Variants in PRMT1 observed in about 807,000 individuals in gnomAD.
PRMT1 encodes protein arginine N-methyltransferase 1.
Under a neutral mutation model 47.4 loss-of-function variants are expected in PRMT1, and 5 were observed. That is an observed-to-expected ratio of 0.11 (90% CI 0.06 to 0.22). The LOEUF (loss-of-function observed/expected upper bound fraction) is 0.22. Among genes scored for constraint, PRMT1 ranks in the 10% least tolerant of loss-of-function variants. PRMT1 has a pLI of 1.00. For synonymous variants in PRMT1, 227 were observed against 204.6 expected, an observed-to-expected ratio of 1.11 and a Z score of -0.94; for missense variants, 249 against 518.4, an observed-to-expected ratio of 0.48 and a Z score of 5.05.
chr19:49,680,090 C>T lies in PRMT1; in HGVS notation c.90+165C>T. The T allele has an allele frequency of 9.2e-7, 1 of 1,088,842 alleles. No individual in the cohort carries two copies. The highest frequency in any genetic ancestry group is 1.4e-6 in the Non-Finnish European group (1 of 731,794). The allele number at this position is 1,088,842 out of a possible 1,614,324, so 67.4% of individuals were successfully genotyped here. Reference sequence around the variant, plus strand: ...AGCAACCCCTCCAGGTTCACAGCCCCCGCTGGCCTCCCCCAGTATCGCCGC... The same window carrying T: ...AGCAACCCCTCCAGGTTCACAGCCCTCGCTGGCCTCCCCCAGTATCGCCGC... On this transcript the variant is annotated intron_variant, in intron 2 of 10. Coordinates refer to ENST00000454376, the MANE Select transcript of PRMT1 (RefSeq NM_001536.6). The surrounding 1 kb of genome is among the most constrained non-coding windows in gnomAD (Gnocchi z 4.2).
rs554855480 is a variant in PRMT1 at position 49,684,680 on chromosome 19, C to T, written c.556-74C>T. 2 of 1,474,626 alleles carry T rather than the reference C, an allele frequency of 1.4e-6. No individual in the cohort carries two copies. Among genetic ancestry groups the T allele is most frequent in the South Asian group, 2.4e-5 (2 of 82,416 alleles). 91.3% of individuals were successfully genotyped at this position (1,474,626 alleles called of 1,614,324 possible). A position where few individuals can be genotyped will look rare whatever the true frequency, so the allele number is the denominator to read the frequency against. On this transcript the variant is annotated intron_variant, in intron 6 of 10. Transcript: ENST00000454376. This position sits in a 1 kb window ranked among gnomAD's most constrained non-coding sequence, Gnocchi z 6.2. Reference sequence around the variant, plus strand: ...GGGTGGCCCAGACCAGGGCAGGAGGCCACATCTTGGAGGCAAGACTCAGGG... The same window carrying T: ...GGGTGGCCCAGACCAGGGCAGGAGGTCACATCTTGGAGGCAAGACTCAGGG...
intron 5 of PRMT1, among the ~76,000 whole-genome samples, chr19:49,683,417 A>G (rs967553966): frequency 6.6e-6 from 1 of 151,906 alleles, no homozygotes; most frequent in Non-Finnish European, 1.5e-5. Context: ...GGCCGGGCAC[A>G]GTGGCTCACG....
At chr19:49,678,716 G>A (rs553123522) in intron 1 of PRMT1, among the ~76,000 whole-genome samples, 1 of 152,146 alleles carries the variant, frequency 6.6e-6, no homozygotes, top group Admixed American at 6.5e-5. Flanking sequence ...GCTCCCAGGG[G>A]TCACTGTAAT....
Position 49,686,008 on chromosome 19 carries a change from A to G in PRMT1, c.760-85A>G, listed in dbSNP as rs1394001932. 2.6e-6 allele frequency: 4 copies of G among 1,540,086 alleles called. No homozygotes were observed. The African/African-American group carries it at 5.5e-5, about 21-fold the overall frequency. ...AGCAGGAAGGGGACAGCGAGGTCAC[A>G]GGCCCTCTGGGAGCTTAAGGGAGGG... On this transcript the variant is annotated intron_variant, in intron 8 of 10. Transcript: ENST00000454376.
At chr19:49,683,765 C>T in intron 5 of PRMT1, 162 bp from the exon 6 acceptor site, 1 of 745,212 alleles carries the variant, frequency 1.3e-6, no homozygotes. Flanking sequence ...TCAAAAATGT[C>T]CAGAACGATG....
chr19:49,685,189 A>G lies in PRMT1; in HGVS notation c.759+152A>G, dbSNP rs1331591860. 2 of 1,541,430 alleles carry G rather than the reference A, an allele frequency of 1.3e-6. No individual in the cohort carries two copies. The highest frequency in any genetic ancestry group is 1.7e-6 in the Non-Finnish European group (2 of 1,146,732). On this transcript the variant is annotated intron_variant, in intron 8 of 10. Transcript: ENST00000454376. This position sits in a 1 kb window ranked among gnomAD's most constrained non-coding sequence, Gnocchi z 4.7. ...AGAGGTGGTGCTAGAGGCCCAGGAA[A>G]GACACTTCGTCCTTTAAATATCTTT...
At chr19:49,678,488 C>T (rs1490016922) in intron 1 of PRMT1, among the ~76,000 whole-genome samples, 1 of 152,164 alleles carries the variant, frequency 6.6e-6, no homozygotes, top group African/African-American at 2.4e-5. Flanking sequence ...GAAACCCCCT[C>T]AGCACCTTTC....
intron 5 of PRMT1, among the ~76,000 whole-genome samples, chr19:49,682,998 G>A (rs2082143205): frequency 6.6e-6 from 1 of 151,774 alleles, no homozygotes; most frequent in African/African-American, 2.4e-5. Context: ...GTGTTAGCCA[G>A]GATGGTCTCG....
In PRMT1 at chr19:49,682,006, T is replaced by G; in HGVS notation, c.289T>G (p.Ser97Ala). 3 of 1,614,134 alleles carry G rather than the reference T, an allele frequency of 1.9e-6. No individual in the cohort carries two copies. The highest frequency in any genetic ancestry group is 2.5e-6 in the Non-Finnish European group (3 of 1,180,028). The stretch of plus-strand genomic sequence containing the variant: ...GGACAAGGTGGTGCTGGACGTCGGC[T>G]CGGGCACCGGCATCCTCTGCATGTT... ...FKDKVVLDVG[S>A]GTGILCMFAA... The change falls in exon 4 of 11, where the codon TCG becomes GCG. Residue 97 changes from serine to alanine, a missense_variant. Ser to Ala is a moderately conservative substitution (Grantham distance 99). Transcript: ENST00000454376.
chr19:49,686,561 G>C (rs3745468), intron 9 of PRMT1, 44 bp from the exon 10 acceptor site: 117,934 of 1,582,322 alleles, frequency 0.075, 6,307 homozygotes, highest in African/African-American at 0.24. Flanking sequence ...GTGGGGTTGG[G>C]GGGGGCAGCA....
upstream of PRMT1, chr19:49,677,176 G>A (rs2082046304): frequency 8.8e-7 from 1 of 1,130,262 alleles, no homozygotes; most frequent in African/African-American, 1.6e-5. Flanking sequence ...CTTCCAGCGG[G>A]GTCGCGGTAG....
In PRMT1 at chr19:49,684,387, T is replaced by G. The variant is rs928900383; in HGVS notation, c.555+318T>G. Among the ~76,000 whole-genome samples, 1 of 152,052 alleles carries G rather than the reference T, an allele frequency of 6.6e-6. No homozygotes were observed. Among genetic ancestry groups the G allele is most frequent in the Non-Finnish European group, 1.5e-5 (1 of 67,972 alleles). On this transcript the variant is annotated intron_variant, in intron 6 of 10. Transcript: ENST00000454376. This position sits in a 1 kb window ranked among gnomAD's most constrained non-coding sequence, Gnocchi z 6.2. ...GCAGCCAGGGCAGGTGTGCCCTTGCTGCGTGTGGAACAGCAGGGAGGCCCG... is the reference window on the plus strand; with the variant it reads ...GCAGCCAGGGCAGGTGTGCCCTTGCGGCGTGTGGAACAGCAGGGAGGCCCG...
chr19:49,680,655 C>G lies in PRMT1; in HGVS notation c.192+67C>G. ...TTAAATGTTGGGGAAGGGGTGGAAC[C>G]TGTTTTCCCACGCATGCGCACTGCT... On this transcript the variant is annotated intron_variant, in intron 3 of 10. Coordinates refer to ENST00000454376, the MANE Select transcript of PRMT1 (RefSeq NM_001536.6). This position sits in a 1 kb window ranked among gnomAD's most constrained non-coding sequence, Gnocchi z 4.2. 7.6e-7 allele frequency: 1 copy of G among 1,322,640 alleles called. No individual in the cohort carries two copies. The highest frequency in any genetic ancestry group is 1.1e-6 in the Non-Finnish European group (1 of 920,250). 81.9% of individuals were successfully genotyped at this position (1,322,640 alleles called of 1,614,324 possible).
intron 5 of PRMT1, 68 bp from the exon 6 acceptor site, chr19:49,683,857 GCC>G (rs1265053315): frequency 3.2e-6 from 5 of 1,555,090 alleles, no homozygotes; most frequent in Non-Finnish European, 4.4e-6. Context: ...CCAGGCTCTA[GCC>G]CCCGGGGGAG....
chr19:49,676,879 T>A (rs1213354048), upstream of PRMT1, among the ~76,000 whole-genome samples: 3 of 151,814 alleles, frequency 2.0e-5, no homozygotes, highest in Admixed American at 6.6e-5. Flanking sequence ...AGGAGGCGGG[T>A]CGTTTTGGTG....
chr19:49,685,338 T>C lies in PRMT1; in HGVS notation c.759+301T>C. The stretch of plus-strand genomic sequence containing the variant: ...GCAGGACCCCAGGGCGATGAGCGGA[T>C]GCACATGCACGCGGGCCACTGCAGA... On this transcript the variant is annotated intron_variant, in intron 8 of 10. Coordinates refer to ENST00000454376, the MANE Select transcript of PRMT1 (RefSeq NM_001536.6). The surrounding 1 kb of genome is among the most constrained non-coding windows in gnomAD (Gnocchi z 4.7). 7.6e-7 allele frequency: 1 copy of C among 1,312,722 alleles called. No homozygotes were observed. The highest frequency in any genetic ancestry group is 9.8e-7 in the Non-Finnish European group (1 of 1,021,058). The allele number at this position is 1,312,722 out of a possible 1,614,324, so 81.3% of individuals were successfully genotyped here. A position where few individuals can be genotyped will look rare whatever the true frequency, so the allele number is the denominator to read the frequency against.
chr19:49,683,126 C>T (rs1192902935), intron 5 of PRMT1, among the ~76,000 whole-genome samples: 1 of 150,382 alleles, frequency 6.6e-6, no homozygotes, highest in African/African-American at 2.4e-5. Flanking sequence ...ACCATGTTGG[C>T]CAGGCTGGTC....
chr19:49,677,256 G>C (rs2082047829), upstream of PRMT1: 1 of 1,419,642 alleles, frequency 7.0e-7, no homozygotes, highest in Non-Finnish European at 9.2e-7. Flanking sequence ...CTTGGCGGCC[G>C]GAGGAGGAGT....
At chr19:49,687,611 G>A (rs2082228162) in intron 10 of PRMT1, among the ~76,000 whole-genome samples, 1 of 151,960 alleles carries the variant, frequency 6.6e-6, no homozygotes. Flanking sequence ...GGGGCCAGGG[G>A]GCTGGTAAAT....
Sources: allele counts gnomAD v4.1 joint callset (sites outside exome capture counted in the v4.1 genomes callset), GRCh38; gene constraint gnomAD v4.1.1; non-coding constraint Gnocchi (gnomAD v3.1); transcripts MANE v1.5; gene names NCBI Gene and HGNC (gene_info 2026-07-23, HGNC 2026-07-21).